The following NKAIN3 variants were observed in gnomAD, a reference collection of about 807,000 sequenced individuals.
NKAIN3 encodes sodium/potassium-transporting ATPase subunit beta-1-interacting protein 3.
NKAIN3 carries 25 observed loss-of-function variants against 30.2 expected under a neutral mutation model. That is an observed-to-expected ratio of 0.83 (90% CI 0.60 to 1.16). NKAIN3 has a LOEUF of 1.16. Ranked by LOEUF, NKAIN3 falls within the 50% of genes most tolerant of loss-of-function variation. NKAIN3 has a pLI of 0.00. For synonymous variants in NKAIN3, 91 were observed against 89.6 expected, an observed-to-expected ratio of 1.02 and a Z score of -0.09; for missense variants, 225 against 254.1, an observed-to-expected ratio of 0.89 and a Z score of 0.78.
At chr8:62,843,408 C>T (rs1223216364) in intron 4 of NKAIN3, among the ~76,000 whole-genome samples, 1 of 151,832 alleles carries the variant, frequency 6.6e-6, no homozygotes, top group Non-Finnish European at 1.5e-5. Flanking sequence ...GCTATGTCAA[C>T]TCACTGCAAC....
Position 62,971,870 on chromosome 8 carries a change from A to C in NKAIN3, c.*6463A>C, listed in dbSNP as rs1585634851. 6.6e-6 allele frequency among the ~76,000 whole-genome samples: 1 copy of C among 152,158 alleles called. No individual in the cohort carries two copies. The highest frequency in any genetic ancestry group is 6.6e-5 in the Admixed American group (1 of 15,256). ...AATTTCTGCCTCATCTTGTTTCCTT[A>C]TCTTGTCTTTGTGGTTAGAAAGAAA... On this transcript the variant is annotated 3_prime_UTR_variant, in exon 7 of 7. Transcript: ENST00000623646.
At chr8:62,850,692 G>T (rs1000690777) in intron 4 of NKAIN3, among the ~76,000 whole-genome samples, 1 of 149,720 alleles carries the variant, frequency 6.7e-6, no homozygotes, top group African/African-American at 2.4e-5. Context: ...AGTTTTCCCA[G>T]CACCATTTAT....
chr8:62,722,806 C>A (rs1815133997), intron 3 of NKAIN3, among the ~76,000 whole-genome samples: 2 of 152,092 alleles, frequency 1.3e-5, no homozygotes, highest in Admixed American at 6.5e-5. Context: ...AGTCAGGCAA[C>A]AAGAATGGGC....
chr8:62,451,406 T>A (rs1266419471), intron 1 of NKAIN3, among the ~76,000 whole-genome samples: 1 of 151,202 alleles, frequency 6.6e-6, no homozygotes, highest in South Asian at 2.1e-4. Flanking sequence ...TGAATTCAGA[T>A]AGCCTTTTGT....
downstream of NKAIN3, among the ~76,000 whole-genome samples, chr8:62,986,134 A>G (rs917300619): frequency 6.6e-6 from 1 of 152,152 alleles, no homozygotes; most frequent in South Asian, 2.1e-4. Context: ...ACTTAAGCAT[A>G]CCCTAAGAAT....
chr8:62,531,656 A>C (rs1808494683), intron 1 of NKAIN3, among the ~76,000 whole-genome samples: 1 of 152,214 alleles, frequency 6.6e-6, no homozygotes, highest in South Asian at 2.1e-4. Flanking sequence ...GGTGCAGAGT[A>C]GATGGTGCAT....
chr8:62,837,865 T>C (rs1260553464), intron 4 of NKAIN3, among the ~76,000 whole-genome samples: 1 of 152,030 alleles, frequency 6.6e-6, no homozygotes, highest in Admixed American at 6.6e-5. Context: ...ACAAATCCTA[T>C]CATAGGAAGC....
intron 1 of NKAIN3, among the ~76,000 whole-genome samples, chr8:62,404,974 T>C (rs943087715): frequency 3.3e-5 from 5 of 152,108 alleles, no homozygotes; most frequent in Non-Finnish European, 7.4e-5. Flanking sequence ...CAGCAGGTGA[T>C]GAATCCTGCT....
At chr8:62,544,244 C>T (rs1808938763) in intron 1 of NKAIN3, among the ~76,000 whole-genome samples, 1 of 152,098 alleles carries the variant, frequency 6.6e-6, no homozygotes, top group Non-Finnish European at 1.5e-5. Context: ...CTCAAGCAAT[C>T]CTCCTGCCTC....
intron 3 of NKAIN3, among the ~76,000 whole-genome samples, chr8:62,694,526 A>G (rs2130451413): frequency 6.6e-6 from 1 of 152,284 alleles, no homozygotes; most frequent in Middle Eastern, 3.4e-3. Flanking sequence ...GTGGATTCAG[A>G]ATCTTGACCA....
At chr8:62,836,575 C>T (rs981862961) in intron 4 of NKAIN3, among the ~76,000 whole-genome samples, 4 of 152,054 alleles carry the variant, frequency 2.6e-5, no homozygotes, top group African/African-American at 9.7e-5. Context: ...TCCCATTTAA[C>T]AAAACCAGAA....
In NKAIN3 at chr8:62,746,953, A is replaced by G. The variant is rs1177835589; in HGVS notation, c.295A>G (p.Asn99Asp). The G allele has an allele frequency of 2.5e-6, 4 of 1,611,236 alleles. No homozygotes were observed. The highest frequency in any genetic ancestry group is 1.3e-5 in the African/African-American group (1 of 75,026). Residue 99 changes from asparagine to aspartate, a missense_variant, in exon 4 of 7, where the codon AAT becomes GAT. Coordinates refer to ENST00000623646, the MANE Select transcript of NKAIN3 (RefSeq NM_001304533.3). ...CTAGGACACCGATCTAATGACATTC[A>G]ATATCTCTGTACATCGGTCATGGTG... Reference protein sequence around the residue: ...LSKDTDLMTFNISVHRSWWRE... With the variant: ...LSKDTDLMTFDISVHRSWWRE...
intron 3 of NKAIN3, among the ~76,000 whole-genome samples, chr8:62,622,182 C>T (rs1811637568): frequency 6.6e-6 from 1 of 151,902 alleles, no homozygotes; most frequent in African/African-American, 2.4e-5. Flanking sequence ...TTTGTTTAAC[C>T]ATTTACCAAA....
intron 1 of NKAIN3, among the ~76,000 whole-genome samples, chr8:62,558,265 A>G (rs139195000): frequency 2.0e-5 from 3 of 152,140 alleles, no homozygotes; most frequent in Non-Finnish European, 4.4e-5. Flanking sequence ...TCATTGGTCT[A>G]TGTGCCTGTT....
chr8:62,552,679 C>A (rs1222354304), intron 1 of NKAIN3, among the ~76,000 whole-genome samples: 3 of 152,138 alleles, frequency 2.0e-5, no homozygotes, highest in Non-Finnish European at 4.4e-5. Context: ...CAGTTGCCAG[C>A]CAGGTCTTAA....
Position 62,380,427 on chromosome 8 carries a change from G to A in NKAIN3, c.54+131300G>A, listed in dbSNP as rs182461877. 2.0e-5 allele frequency among the ~76,000 whole-genome samples: 3 copies of A among 152,238 alleles called. No homozygotes were observed. In the East Asian group the frequency reaches 5.8e-4, roughly 30 times the overall value. ...CCTATCAGATGCCAATGGGAAGAAA[G>A]ACTAAAACATTTCAGTGTTTTTCTG... On this transcript the variant is annotated intron_variant, in intron 1 of 6. Transcript: ENST00000623646.
chr8:62,435,748 A>G (rs762315629), intron 1 of NKAIN3, among the ~76,000 whole-genome samples: 1 of 152,198 alleles, frequency 6.6e-6, no homozygotes, highest in Non-Finnish European at 1.5e-5. Flanking sequence ...ATAAAATACA[A>G]AAGTTATTAT....
At chr8:62,306,536 T>TTG (rs10552182) in intron 1 of NKAIN3, among the ~76,000 whole-genome samples, 2,398 of 136,032 alleles carry the variant, frequency 0.018, 55 homozygotes, top group South Asian at 0.067. Flanking sequence ...TTTGAAGGCT[T>TTG]TGTGTGTGTG....
intron 6 of NKAIN3, among the ~76,000 whole-genome samples, chr8:62,957,215 G>C (rs533546885): frequency 1.9e-4 from 29 of 151,996 alleles, no homozygotes; most frequent in Middle Eastern, 3.4e-3. Flanking sequence ...CTCACTGCAA[G>C]CTCCGCCTCC....
Sources: gnomAD v4.1 joint callset for allele counts (sites outside exome capture counted in the v4.1 genomes callset) on GRCh38, gnomAD v4.1.1 for gene constraint, MANE v1.5 for transcripts, NCBI Gene and HGNC (gene_info 2026-07-23, HGNC 2026-07-21) for gene names.